Variants in EPB41L4A observed in about 807,000 individuals in gnomAD.
The protein encoded by EPB41L4A is erythrocyte membrane protein band 4.1 like 4A, also known as band 4.1-like protein 4A.
EPB41L4A carries 100 observed loss-of-function variants against 108.6 expected under a neutral mutation model. The observed-to-expected ratio is 0.92, with a 90% CI of 0.78 to 1.09. EPB41L4A has a LOEUF of 1.09. EPB41L4A is among the 50% of genes least tolerant of loss of function. The probability of loss-of-function intolerance (pLI) is 0.00; values close to 1 mark genes in which losing one functional copy is unlikely to be tolerated. For synonymous variants in EPB41L4A, 319 were observed against 289.0 expected, an observed-to-expected ratio of 1.10 and a Z score of -1.05; for missense variants, 1,030 against 842.7, an observed-to-expected ratio of 1.22 and a Z score of -2.75.
intron 1 of EPB41L4A, among the ~76,000 whole-genome samples, chr5:112,393,357 G>C (rs1013340743): frequency 2.0e-5 from 3 of 151,914 alleles, no homozygotes; most frequent in Admixed American, 6.6e-5. Flanking sequence ...GACTAATAAA[G>C]AAGAAAAGAG....
intron 15 of EPB41L4A, among the ~76,000 whole-genome samples, chr5:112,200,388 G>T (rs76215796): frequency 2.0e-5 from 3 of 152,132 alleles, no homozygotes; most frequent in Non-Finnish European, 4.4e-5. Flanking sequence ...CTTATGACAC[G>T]TGTACTTTTC....
rs1762918266 is a variant in EPB41L4A, at chr5:112,419,199, G to T, written c.-160C>A. 3.8e-6 allele frequency: 2 copies of T among 525,918 alleles called. No homozygotes were observed. The highest frequency in any genetic ancestry group is 6.7e-6 in the Non-Finnish European group (2 of 297,246). 32.6% of individuals were successfully genotyped at this position (525,918 alleles called of 1,614,324 possible). ...CCGGGGACCGGCCGCCGAACCGCCC[G>T]GCGGGGCGGGAGCGAGAAAGGCGGA... On this transcript the variant is annotated 5_prime_UTR_variant, in exon 1 of 23. Transcript: ENST00000261486.
intron 12 of EPB41L4A, among the ~76,000 whole-genome samples, chr5:112,225,809 A>G (rs944297352): frequency 2.0e-5 from 3 of 152,192 alleles, no homozygotes; most frequent in East Asian, 1.9e-4. Flanking sequence ...AATGTAACAC[A>G]TTCTTTCTTA....
At chr5:112,272,589 G>C (rs1460056713) in intron 4 of EPB41L4A, among the ~76,000 whole-genome samples, 1 of 151,746 alleles carries the variant, frequency 6.6e-6, no homozygotes, top group Non-Finnish European at 1.5e-5. Flanking sequence ...AGACCAGCCT[G>C]CCCAACATGG....
chr5:112,238,722 C>A (rs1047940210), intron 11 of EPB41L4A, among the ~76,000 whole-genome samples: 9 of 152,122 alleles, frequency 5.9e-5, no homozygotes, highest in African/African-American at 2.2e-4. Context: ...TGGGGACCTC[C>A]CTCACTGTTT....
intron 15 of EPB41L4A, among the ~76,000 whole-genome samples, chr5:112,197,989 C>G (rs1762042900): frequency 6.6e-6 from 1 of 152,156 alleles, no homozygotes; most frequent in African/African-American, 2.4e-5. Flanking sequence ...GAAGGCAATA[C>G]TTCTTTGCCT....
chr5:112,224,202 A>G (rs921619604), intron 12 of EPB41L4A, among the ~76,000 whole-genome samples: 9 of 152,070 alleles, frequency 5.9e-5, no homozygotes, highest in African/African-American at 9.7e-5. Flanking sequence ...CACCCACCTC[A>G]GCCTCCCAAA....
intron 12 of EPB41L4A, among the ~76,000 whole-genome samples, chr5:112,150,469 G>A (rs1405420450): frequency 1.3e-5 from 2 of 151,806 alleles, no homozygotes; most frequent in Non-Finnish European, 2.9e-5. Context: ...AAAACAAAGG[G>A]AACTCCTAGA....
At chr5:112,349,226 T>A (rs1280240950) in intron 1 of EPB41L4A, among the ~76,000 whole-genome samples, 1 of 152,158 alleles carries the variant, frequency 6.6e-6, no homozygotes, top group Non-Finnish European at 1.5e-5. Context: ...AAGGACATCA[T>A]TTTACAGGTA....
rs181097218 is a variant in EPB41L4A, at chr5:112,396,872, G to C, written c.99+22069C>G. 1.4e-3 allele frequency among the ~76,000 whole-genome samples: 210 copies of C among 152,158 alleles called. 1 individual carries two copies. Among genetic ancestry groups the C allele is most frequent in the African/African-American group, 4.8e-3 (201 of 41,506 alleles). ...AAGGAGAAGTATCAAGAAATGTATG[G>C]GTATACTTTTAAGCTGCAATGACCA... On this transcript the variant is annotated intron_variant, in intron 1 of 22. Coordinates refer to ENST00000261486, the MANE Select transcript of EPB41L4A (RefSeq NM_022140.5).
At chr5:112,157,964 T>C (rs1323789209), downstream of EPB41L4A, among the ~76,000 whole-genome samples, 1 of 152,180 alleles carries the variant, frequency 6.6e-6, no homozygotes, top group Non-Finnish European at 1.5e-5. Flanking sequence ...TATCTTCTTC[T>C]CATGTCCTTT....
chr5:112,164,461 A>G lies in EPB41L4A; in HGVS notation c.*529T>C, dbSNP rs1341604875. On this transcript the variant is annotated 3_prime_UTR_variant, in exon 23 of 23. Coordinates refer to ENST00000261486, the MANE Select transcript of EPB41L4A (RefSeq NM_022140.5). ...CACAAGATAGAAATGAATGATTGCTATCCTGTTCCAGAAATGAAAATGTGG... is the reference window on the plus strand; with the variant it reads ...CACAAGATAGAAATGAATGATTGCTGTCCTGTTCCAGAAATGAAAATGTGG... 2.0e-5 allele frequency: 3 copies of G among 152,304 alleles called. No homozygotes were observed. Among genetic ancestry groups the G allele is most frequent in the African/African-American group, 7.2e-5 (3 of 41,476 alleles). 9.4% of individuals were successfully genotyped at this position (152,304 alleles called of 1,614,324 possible).
intron 9 of EPB41L4A, among the ~76,000 whole-genome samples, chr5:112,250,137 TGTATACTTCACA>T (rs1295294168): frequency 6.6e-6 from 1 of 152,198 alleles, no homozygotes; most frequent in Non-Finnish European, 1.5e-5. Flanking sequence ...CATTTCTGCA[TGTATACTTCACA>T]GTGTAAAAAT....
chr5:112,184,060 G>T lies in EPB41L4A; in HGVS notation c.1578C>A (p.Asn526Lys). The T allele has an allele frequency of 6.2e-7, 1 of 1,613,940 alleles. No individual in the cohort carries two copies. Among genetic ancestry groups the T allele is most frequent in the Non-Finnish European group, 8.5e-7 (1 of 1,179,896 alleles). The change falls in exon 18 of 23, where the codon AAC becomes AAA. Residue 526 changes from asparagine (N) to lysine (K), a missense_variant. Asn to Lys is a moderately conservative substitution (Grantham distance 94). Coordinates refer to ENST00000261486, the MANE Select transcript of EPB41L4A (RefSeq NM_022140.5). Reference sequence around the variant, plus strand: ...ATCGCCTGTTGTTGGGGTCGGCTTGGTTTTTTTCCTTTTGTCTCCTTAATA... The same window carrying T: ...ATCGCCTGTTGTTGGGGTCGGCTTGTTTTTTTTCCTTTTGTCTCCTTAATA... ...EAVLRRQKEK[N>K]QADPNNRRSR... is the part of the protein sequence containing the mutation.
intron 4 of EPB41L4A, among the ~76,000 whole-genome samples, chr5:112,271,759 C>A (rs147922673): frequency 2.6e-5 from 4 of 152,192 alleles, no homozygotes; most frequent in Admixed American, 2.0e-4. Context: ...ATAGAGAGAT[C>A]AGATTTATTC....
chr5:112,188,780 C>T (rs1355949294), intron 17 of EPB41L4A, among the ~76,000 whole-genome samples: 2 of 152,146 alleles, frequency 1.3e-5, no homozygotes, highest in African/African-American at 4.8e-5. Context: ...TACCTATTTT[C>T]AAGCAAGACG....
chr5:112,223,672 C>T (rs1000512654), intron 12 of EPB41L4A, among the ~76,000 whole-genome samples: 3 of 152,212 alleles, frequency 2.0e-5, no homozygotes, highest in African/African-American at 7.2e-5. Flanking sequence ...CCACTGCTGA[C>T]TTCCAAAAGA....
chr5:112,234,571 C>G, intron 12 of EPB41L4A, 63 bp downstream of exon 12: 2 of 1,549,826 alleles, frequency 1.3e-6, no homozygotes, highest in South Asian at 2.4e-5. Flanking sequence ...CTGAGTATAT[C>G]TTACACTACC....
intron 8 of EPB41L4A, 36 bp from the exon 9 acceptor site, chr5:112,259,328 T>C (rs1157939694): frequency 1.9e-6 from 3 of 1,577,222 alleles, no homozygotes; most frequent in Non-Finnish European, 2.6e-6. Flanking sequence ...CTGCTGTTTT[T>C]AAGTATTAAC....
Sources: allele counts gnomAD v4.1 joint callset (sites outside exome capture counted in the v4.1 genomes callset), GRCh38; gene constraint gnomAD v4.1.1; transcripts MANE v1.5; gene names NCBI Gene and HGNC (gene_info 2026-07-23, HGNC 2026-07-21).